Variants in DOCK11 observed in about 807,000 individuals in gnomAD.
DOCK11 encodes the protein dedicator of cytokinesis protein 11.
DOCK11 carries 70 observed loss-of-function variants against 169.1 expected under a neutral mutation model. The ratio of observed to expected loss-of-function variants is 0.41; its 90% CI spans 0.34 to 0.51. The LOEUF is 0.51. Ranked by LOEUF, DOCK11 falls within the 20% of genes least tolerant of loss-of-function variation. DOCK11 has a pLI of 0.10. For missense variants in DOCK11, 1,166 were observed against 1,538.8 expected, an observed-to-expected ratio of 0.76 and a Z score of 4.05; for synonymous variants, 529 against 541.3, an observed-to-expected ratio of 0.98 and a Z score of 0.32.
intron 24 of DOCK11, among the ~76,000 whole-genome samples, chrX:118,605,718 A>G (rs149206568): frequency 1.0e-3 from 117 of 111,475 alleles, no homozygotes; most frequent in African/African-American, 3.6e-3. Context: ...AGACTATTCT[A>G]TGTGCTCATG....
chrX:118,655,218 G>C (rs995376947), intron 44 of DOCK11, among the ~76,000 whole-genome samples: 1 of 111,565 alleles, frequency 9.0e-6, no homozygotes, highest in African/African-American at 3.3e-5. Context: ...TGTAATCCCA[G>C]TGCTTTGGGA....
At chrX:118,625,599 G>A (rs749063204) in intron 32 of DOCK11, among the ~76,000 whole-genome samples, 27 of 111,979 alleles carry the variant, frequency 2.4e-4, no homozygotes, top group Non-Finnish European at 2.8e-4. Flanking sequence ...CTGTGTTTTC[G>A]TTCTTAACAT....
intron 3 of DOCK11, 100 bp downstream of exon 3, chrX:118,543,115 T>C (rs1184746317): frequency 6.5e-6 from 4 of 619,211 alleles, no homozygotes; most frequent in Non-Finnish European, 9.6e-6. Flanking sequence ...TATAAATACA[T>C]AAATGTAAAA....
At chrX:118,618,922 A>G (rs2014891345) in intron 31 of DOCK11, among the ~76,000 whole-genome samples, 194 bp downstream of exon 31, 1 of 109,788 alleles carries the variant, frequency 9.1e-6, no homozygotes, top group Non-Finnish European at 1.9e-5. Context: ...CAGTGGCATG[A>G]TCTCGGCTCA....
intron 27 of DOCK11, among the ~76,000 whole-genome samples, chrX:118,609,785 G>A (rs995991297): frequency 6.2e-5 from 7 of 112,254 alleles, no homozygotes; most frequent in Non-Finnish European, 1.3e-4. Context: ...GGAATGTGAT[G>A]TATACATTTT....
At chrX:118,582,219 C>A (rs1332578703) in intron 14 of DOCK11, among the ~76,000 whole-genome samples, 4 of 111,799 alleles carry the variant, frequency 3.6e-5, no homozygotes, top group Non-Finnish European at 7.5e-5. Context: ...GTACTGTTAT[C>A]CCTGTCTTTG....
intron 50 of DOCK11, 106 bp from the exon 51 acceptor site, chrX:118,681,588 G>T: frequency 1.8e-6 from 1 of 542,968 alleles, no homozygotes; most frequent in Non-Finnish European, 2.9e-6. Flanking sequence ...CTCAGATATG[G>T]ATTTCTTGTA....
intron 45 of DOCK11, among the ~76,000 whole-genome samples, chrX:118,667,657 T>C (rs1025264804): frequency 2.7e-5 from 3 of 111,544 alleles, no homozygotes; most frequent in African/African-American, 6.5e-5. Flanking sequence ...GCTTTATTCT[T>C]TTTCAAAGTT....
chrX:118,513,072 G>C (rs2057659894), intron 1 of DOCK11, among the ~76,000 whole-genome samples: 1 of 111,607 alleles, frequency 9.0e-6, no homozygotes, highest in Admixed American at 9.6e-5. Context: ...CTGTGGATCT[G>C]GCTGCCTGAT....
intron 40 of DOCK11, among the ~76,000 whole-genome samples, chrX:118,647,497 TA>T (rs2015712429): frequency 2.8e-5 from 2 of 71,869 alleles, no homozygotes; most frequent in Non-Finnish European, 4.8e-5. Flanking sequence ...TATTATTATA[TA>T]ATATATTATA....
intron 1 of DOCK11, among the ~76,000 whole-genome samples, chrX:118,539,904 A>G (rs912518464): frequency 9.2e-6 from 1 of 108,388 alleles, no homozygotes; most frequent in African/African-American, 3.4e-5. Context: ...TACAAAGATT[A>G]GCTGGGTGTG....
Position 118,542,854 on chromosome X carries a change from A to G in DOCK11, c.219+13A>G, listed in dbSNP as rs1464644050. ...GGAAGATATATCTGTGAGTTCACAAACACTTCTTTAAAGAAAAAAACCCCT... is the reference window on the plus strand; with the variant it reads ...GGAAGATATATCTGTGAGTTCACAAGCACTTCTTTAAAGAAAAAAACCCCT... On this transcript the variant is annotated intron_variant, in intron 2 of 52. Transcript: ENST00000276202. 3 of 1,196,912 alleles carry G rather than the reference A, an allele frequency of 2.5e-6. No individual in the cohort carries two copies. The Admixed American group carries it at 6.6e-5, about 26-fold the overall frequency.
chrX:118,670,059 G>C (rs1297283766), intron 45 of DOCK11, among the ~76,000 whole-genome samples: 1 of 111,745 alleles, frequency 8.9e-6, no homozygotes, highest in Non-Finnish European at 1.9e-5. Flanking sequence ...CACATTCTGA[G>C]GTACTTGGGG....
intron 6 of DOCK11, among the ~76,000 whole-genome samples, chrX:118,550,515 T>G (rs1487902742): frequency 8.9e-6 from 1 of 112,117 alleles, no homozygotes; most frequent in Non-Finnish European, 1.9e-5. Flanking sequence ...TGACACATCA[T>G]TTTTTCATGT....
rs150116952 is a variant in DOCK11, at chrX:118,589,622, T to C, written c.2047-588T>C. On this transcript the variant is annotated intron_variant, in intron 18 of 52. Coordinates refer to ENST00000276202, the MANE Select transcript of DOCK11 (RefSeq NM_144658.4). ...CCTTGGAACCATAGAAAGCCTTACA[T>C]TTATTTTATTGGTATAACAGAAAGC... 5.9e-3 allele frequency among the ~76,000 whole-genome samples: 660 copies of C among 111,888 alleles called. 6 individuals carry two copies. Among genetic ancestry groups the C allele is most frequent in the African/African-American group, 0.021 (638 of 30,830 alleles).
chrX:118,623,917 G>A (rs1424490847), intron 31 of DOCK11, among the ~76,000 whole-genome samples: 4 of 112,512 alleles, frequency 3.6e-5, no homozygotes, highest in African/African-American at 1.3e-4. Flanking sequence ...AAATAAATTT[G>A]TATAAGAGGT....
intron 1 of DOCK11, among the ~76,000 whole-genome samples, chrX:118,536,971 G>A (rs966141408): frequency 9.0e-6 from 1 of 111,584 alleles, no homozygotes; most frequent in African/African-American, 3.3e-5. Flanking sequence ...AAGGAGAGCC[G>A]AATGACTAGG....
In DOCK11 at chrX:118,614,981, C is replaced by A. The variant is rs188801240; in HGVS notation, c.3180+206C>A. Among the ~76,000 whole-genome samples, 5 of 112,278 alleles carry A rather than the reference C, an allele frequency of 4.5e-5. No homozygotes were observed. The East Asian group carries it at 1.4e-3, about 31-fold the overall frequency. ...TTCAATAGCTCATTTTAAGGATTCA[C>A]AGACTCAACATATAGTTGTATTGAT... On this transcript the variant is annotated intron_variant, in intron 29 of 52. Coordinates refer to ENST00000276202, the MANE Select transcript of DOCK11 (RefSeq NM_144658.4).
chrX:118,647,048 G>A (rs2147523740), intron 40 of DOCK11, among the ~76,000 whole-genome samples: 1 of 110,052 alleles, frequency 9.1e-6, no homozygotes, highest in South Asian at 3.9e-4. Context: ...TAAAGGAACA[G>A]GCCACTTGTC....
Sources: allele counts gnomAD v4.1 joint callset (sites outside exome capture counted in the v4.1 genomes callset), GRCh38; gene constraint gnomAD v4.1.1; transcripts MANE v1.5; gene names NCBI Gene and HGNC (gene_info 2026-07-23, HGNC 2026-07-21).